Variants in ATG5 observed in about 807,000 individuals in gnomAD.
ATG5 encodes autophagy protein 5.
Under a neutral mutation model 36.5 loss-of-function variants are expected in ATG5, and 14 were observed. The ratio of observed to expected loss-of-function variants is 0.38; its 90% CI spans 0.25 to 0.60. The LOEUF (loss-of-function observed/expected upper bound fraction) is 0.60, where lower values mean the gene tolerates loss of function less well. ATG5 is among the 20% of genes least tolerant of loss of function. The pLI, the probability that ATG5 is intolerant of heterozygous loss-of-function variation, is 0.60. For missense variants in ATG5, 195 were observed against 326.7 expected (o/e 0.60, Z 3.11); for synonymous variants, 95 against 101.5 (o/e 0.94, Z 0.38).
At chr6:106,225,754 T>C (rs1022729288) in intron 6 of ATG5, among the ~76,000 whole-genome samples, 4 of 152,194 alleles carry the variant, frequency 2.6e-5, no homozygotes, top group Non-Finnish European at 5.9e-5. Flanking sequence ...TAGGACATTA[T>C]TTGACTTGAC....
intron 6 of ATG5, among the ~76,000 whole-genome samples, chr6:106,203,392 G>A (rs563222238): frequency 1.3e-5 from 2 of 152,150 alleles, no homozygotes; most frequent in African/African-American, 4.8e-5. Flanking sequence ...CTGTTAATTT[G>A]GGACATTCCA....
At chr6:106,290,625 G>C (rs1359019766) in intron 4 of ATG5, among the ~76,000 whole-genome samples, 2 of 152,084 alleles carry the variant, frequency 1.3e-5, no homozygotes, top group Non-Finnish European at 2.9e-5. Context: ...CCAGTTTATT[G>C]TAATAATAAT....
Position 106,231,578 on chromosome 6 carries a change from G to C in ATG5, c.573+16572C>G, listed in dbSNP as rs573297772. Among the ~76,000 whole-genome samples, 3 of 150,480 alleles carry C rather than the reference G, an allele frequency of 2.0e-5. No individual in the cohort carries two copies. The South Asian group carries it at 6.4e-4, about 32-fold the overall frequency. On this transcript the variant is annotated intron_variant, in intron 6 of 7. Coordinates refer to ENST00000369076, the MANE Select transcript of ATG5 (RefSeq NM_004849.4). ...TCAATGATGTCCACTATAACACAGGGAAAGGAAGAAAATCCTACCGCCTTT... is the reference window on the plus strand; with the variant it reads ...TCAATGATGTCCACTATAACACAGGCAAAGGAAGAAAATCCTACCGCCTTT...
At position 106,202,017 on chromosome 6, in the gene ATG5, C is replaced by G. The variant is rs1294756448; in HGVS notation, c.646G>C (p.Gly216Arg). Residue 216 changes from glycine to arginine, a missense_variant, in exon 7 of 8, where the codon GGA becomes CGA. By Grantham distance (125) the Gly-to-Arg change is moderately radical. Transcript: ENST00000369076. ...GGACAAACTTCTTTGAGGAGATCTC[C>G]TAGTGTGTGCAACTGTCCATCTGCA... ...VAADGQLHTL[G>R]DLLKEVCPSA... 2.2e-5 allele frequency: 35 copies of G among 1,613,702 alleles called. No homozygotes were observed. Among genetic ancestry groups the G allele is most frequent in the Non-Finnish European group, 2.8e-5 (33 of 1,179,822 alleles).
At chr6:106,307,212 A>C (rs1770480234) in intron 3 of ATG5, among the ~76,000 whole-genome samples, 1 of 152,132 alleles carries the variant, frequency 6.6e-6, no homozygotes, top group South Asian at 2.1e-4. Flanking sequence ...ATCTGTCCTA[A>C]AGCTCTTTCA....
chr6:106,325,283 A>C (rs1303224844), intron 1 of ATG5: 1 of 152,268 alleles, frequency 6.6e-6, no homozygotes, highest in Non-Finnish European at 1.5e-5. Context: ...TACCTTAGTA[A>C]GCAACAGACA....
intron 1 of ATG5, among the ~76,000 whole-genome samples, chr6:106,316,791 T>C (rs1017275306): frequency 2.6e-5 from 4 of 152,224 alleles, no homozygotes; most frequent in African/African-American, 7.2e-5. Flanking sequence ...CCATTCCCCA[T>C]TCTAAATTTC....
chr6:106,321,271 TAC>T (rs943680466), intron 1 of ATG5, among the ~76,000 whole-genome samples: 4 of 152,158 alleles, frequency 2.6e-5, no homozygotes, highest in Admixed American at 1.3e-4. Flanking sequence ...ATGTTTTTAG[TAC>T]ACAGTTTCCT....
intron 5 of ATG5, among the ~76,000 whole-genome samples, chr6:106,277,170 A>C (rs1286266302): frequency 6.6e-6 from 1 of 152,252 alleles, no homozygotes; most frequent in Non-Finnish European, 1.5e-5. Flanking sequence ...AGTTTAACAA[A>C]TACTAAATAC....
At chr6:106,234,520 C>T (rs1777817276) in intron 6 of ATG5, among the ~76,000 whole-genome samples, 1 of 152,204 alleles carries the variant, frequency 6.6e-6, no homozygotes, top group Non-Finnish European at 1.5e-5. Flanking sequence ...ACTCCCAATG[C>T]ATCAGGTGGG....
At chr6:106,222,022 G>A (rs1777274264) in intron 6 of ATG5, among the ~76,000 whole-genome samples, 1 of 152,074 alleles carries the variant, frequency 6.6e-6, no homozygotes, top group Non-Finnish European at 1.5e-5. Flanking sequence ...CTCCTGAGTA[G>A]CTGGGATTAC....
rs1275337809 is a variant in ATG5 at position 106,192,003 on chromosome 6, T to C, written c.692-5327A>G. On this transcript the variant is annotated intron_variant, in intron 7 of 7. Transcript: ENST00000369076. ...TTCCATTTTTATGCAGTATGGCATA[T>C]AATTTTAATAAATGTATTTTTTAAA... is the stretch of plus-strand genomic sequence containing the variant. 2.0e-5 allele frequency among the ~76,000 whole-genome samples: 3 copies of C among 152,288 alleles called. No homozygotes were observed. The East Asian group carries it at 5.8e-4, about 29-fold the overall frequency.
intron 3 of ATG5, among the ~76,000 whole-genome samples, chr6:106,293,912 G>A (rs527316164): frequency 1.7e-4 from 26 of 151,320 alleles, no homozygotes; most frequent in African/African-American, 6.1e-4. Context: ...AATAATACAG[G>A]TTGAGTATCC....
At chr6:106,217,894 AAT>A (rs574489205) in intron 6 of ATG5, among the ~76,000 whole-genome samples, 18 of 152,212 alleles carry the variant, frequency 1.2e-4, no homozygotes, top group Non-Finnish European at 2.6e-4. Flanking sequence ...AGATAATAAT[AAT>A]ACCACCAATT....
chr6:106,210,974 CAT>C (rs1173161980), intron 6 of ATG5, among the ~76,000 whole-genome samples: 3 of 152,132 alleles, frequency 2.0e-5, no homozygotes, highest in East Asian at 3.8e-4. Flanking sequence ...ATTATAATAA[CAT>C]ATACTATTCT....
chr6:106,292,899 C>A (rs901081486), intron 4 of ATG5, 129 bp downstream of exon 4: 3 of 689,684 alleles, frequency 4.3e-6, no homozygotes, highest in South Asian at 2.1e-5. Flanking sequence ...AAATACTAAT[C>A]GAAGCTTAGC....
intron 7 of ATG5, among the ~76,000 whole-genome samples, chr6:106,200,935 A>C (rs1776404645): frequency 6.6e-6 from 1 of 152,164 alleles, no homozygotes; most frequent in Non-Finnish European, 1.5e-5. Flanking sequence ...GGATTGGTTC[A>C]AGGATCCCTG....
intron 3 of ATG5, among the ~76,000 whole-genome samples, chr6:106,303,361 T>A (rs1382160165): frequency 6.6e-6 from 1 of 151,912 alleles, no homozygotes; most frequent in Non-Finnish European, 1.5e-5. Flanking sequence ...CAACACTCAA[T>A]GAAGAGGAAA....
At chr6:106,216,990 C>G (rs569959940) in intron 6 of ATG5, among the ~76,000 whole-genome samples, 2 of 151,744 alleles carry the variant, frequency 1.3e-5, no homozygotes, top group Admixed American at 6.6e-5. Flanking sequence ...ATATGGGTGG[C>G]AGGGGAAATC....
Sources: allele counts gnomAD v4.1 joint callset (sites outside exome capture counted in the v4.1 genomes callset), GRCh38; gene constraint gnomAD v4.1.1; transcripts MANE v1.5; gene names NCBI Gene and HGNC (gene_info 2026-07-23, HGNC 2026-07-21).